FN1: variants seen among roughly 807,000 people sequenced by gnomAD.
FN1 encodes the protein fibronectin 1, also known as fibronectin.
FN1 carries 106 observed loss-of-function variants against 297.3 expected under a neutral mutation model. The observed-to-expected ratio is 0.36, with a 90% CI of 0.30 to 0.42. The LOEUF (loss-of-function observed/expected upper bound fraction) is 0.42. FN1 is among the 10% of genes least tolerant of loss of function. The probability of loss-of-function intolerance (pLI) is 1.00; values close to 1 mark genes in which losing one functional copy is unlikely to be tolerated. For missense variants in FN1, 2,690 were observed against 3,124.9 expected (o/e 0.86, Z 3.32); for synonymous variants, 1,149 against 1,152.6 (o/e 1.00, Z 0.06).
chr2:215,371,824 T>G, intron 40 of FN1, 85 bp downstream of exon 40: 1 of 1,268,578 alleles, frequency 7.9e-7, no homozygotes, highest in Admixed American at 1.7e-5. Flanking sequence ...TGAAGCCACT[T>G]TTTATTCGAG....
chr2:215,422,070 T>G (rs929053330), intron 10 of FN1, 21 bp downstream of exon 10: 12 of 1,613,616 alleles, frequency 7.4e-6, no homozygotes, highest in Non-Finnish European at 9.3e-6. Context: ...CTCAAATATT[T>G]TTGTTAATCA....
At chr2:215,414,639 C>A in intron 13 of FN1, 198 bp downstream of exon 13, 1 of 1,333,850 alleles carries the variant, frequency 7.5e-7, no homozygotes, top group South Asian at 2.3e-5. Context: ...AAACAAAACC[C>A]AAAACCAAAA....
intron 20 of FN1, among the ~76,000 whole-genome samples, chr2:215,401,302 AAGG>A (rs1348538843): frequency 6.9e-6 from 1 of 144,510 alleles, no homozygotes; most frequent in Non-Finnish European, 1.5e-5. Flanking sequence ...GAGAGAGAGA[AAGG>A]AAGGAAGGAA....
chr2:215,365,237 C>T (rs1217066317), intron 43 of FN1, among the ~76,000 whole-genome samples: 2 of 152,142 alleles, frequency 1.3e-5, no homozygotes, highest in African/African-American at 2.4e-5. Flanking sequence ...AATCTACAGA[C>T]CAATAAAGCT....
intron 13 of FN1, chr2:215,414,618 C>A (rs956626959): frequency 8.5e-7 from 1 of 1,173,982 alleles, no homozygotes; most frequent in Non-Finnish European, 1.1e-6. Context: ...ACCAGCCCCC[C>A]CACCGCAAAA....
chr2:215,408,053 C>A, intron 17 of FN1, 55 bp downstream of exon 17: 5 of 1,389,236 alleles, frequency 3.6e-6, no homozygotes, highest in Non-Finnish European at 5.1e-6. Context: ...TGCGCCCTCC[C>A]TGCTGATGTC....
chr2:215,387,063 G>T, intron 27 of FN1, 105 bp from the exon 28 acceptor site: 2 of 1,006,040 alleles, frequency 2.0e-6, no homozygotes, highest in Non-Finnish European at 2.9e-6. Flanking sequence ...CCAACATTTC[G>T]TTCCTGTCTC....
rs575507015 is a variant in FN1 at position 215,372,251 on chromosome 2, A to G, written c.6372T>C (p.Gly2124=). ...VTHPGYDTGN[G]IQLPGTSGQQ... is the part of the protein sequence containing the mutation. ...GACCAGAAGTGCCAGGAAGCTGAATACCATTTCCAGTGTCATACCCAGGGT... is the reference window on the plus strand; with the variant it reads ...GACCAGAAGTGCCAGGAAGCTGAATGCCATTTCCAGTGTCATACCCAGGGT... Residue 2124 remains glycine, a synonymous_variant, in exon 40 of 46, where the codon GGT becomes GGC. Transcript: ENST00000354785. 1 of 1,614,230 alleles carries G rather than the reference A, an allele frequency of 6.2e-7. No homozygotes were observed. The highest frequency in any genetic ancestry group is 2.2e-5 in the East Asian group (1 of 44,884).
intron 6 of FN1, among the ~76,000 whole-genome samples, chr2:215,427,598 A>G (rs2065694706): frequency 6.6e-6 from 1 of 152,216 alleles, no homozygotes; most frequent in Non-Finnish European, 1.5e-5. Context: ...TCGAATGCCA[A>G]TACATGAAGG....
rs1464599904 is a variant in FN1 at position 215,375,380 on chromosome 2, T to C, written c.5991A>G (p.Pro1997=). Residue 1997 remains proline, a synonymous_variant, in exon 38 of 46, where the codon CCA becomes CCG. Transcript: ENST00000354785. ...TGGTGGCCAGGAAACGCAGGTTGGA[T>C]GGTGCATCAATGGCTGAAAGAAAAC... ...VIDASTAIDA[P]SNLRFLATTP... 1.2e-6 allele frequency: 2 copies of C among 1,611,456 alleles called. No homozygotes were observed. The highest frequency in any genetic ancestry group is 1.3e-5 in the African/African-American group (1 of 74,400).
At chr2:215,367,741 CTCT>C (rs1433505981) in intron 42 of FN1, 119 bp downstream of exon 42, 1 of 950,830 alleles carries the variant, frequency 1.1e-6, no homozygotes, top group Non-Finnish European at 1.7e-6. Flanking sequence ...AAACAGTATT[CTCT>C]TGTTTGCTTC....
rs115068533 is a variant in FN1 at position 215,367,297 on chromosome 2, A to G, written c.7018+566T>C. Reference sequence around the variant, plus strand: ...ACGTATTAGAATTTGAAAATCAAACATTTATCAATTCAAGTTGATTTTTAA... The same window carrying G: ...ACGTATTAGAATTTGAAAATCAAACGTTTATCAATTCAAGTTGATTTTTAA... On this transcript the variant is annotated intron_variant, in intron 42 of 45. Transcript: ENST00000354785. 8.4e-3 allele frequency among the ~76,000 whole-genome samples: 1,274 copies of G among 152,336 alleles called. 19 individuals are homozygous for G. Among genetic ancestry groups the G allele is most frequent in the African/African-American group, 0.029 (1,189 of 41,580 alleles).
intron 28 of FN1, among the ~76,000 whole-genome samples, chr2:215,385,752 C>T (rs2058872229): frequency 6.8e-6 from 1 of 148,112 alleles, no homozygotes; most frequent in African/African-American, 2.5e-5. Flanking sequence ...TTTAAAGGTA[C>T]TTTGAAACAG....
chr2:215,422,068 T>C, intron 10 of FN1, 23 bp downstream of exon 10: 1 of 1,613,290 alleles, frequency 6.2e-7, no homozygotes, highest in Non-Finnish European at 8.5e-7. Context: ...ATCTCAAATA[T>C]TTTTGTTAAT....
intron 44 of FN1, 157 bp downstream of exon 44, chr2:215,364,722 T>C: frequency 1.5e-6 from 1 of 678,620 alleles, no homozygotes; most frequent in East Asian, 2.7e-5. Context: ...ATAGAGCTGC[T>C]CTAGAGCTCT....
intron 41 of FN1, among the ~76,000 whole-genome samples, chr2:215,369,023 G>A (rs1000732693): frequency 3.3e-5 from 5 of 152,008 alleles, no homozygotes; most frequent in South Asian, 2.1e-4. Flanking sequence ...AGAAAATAGC[G>A]TTTTGGAGAA....
At chr2:215,421,250 G>A in intron 10 of FN1, 1 of 236,768 alleles carries the variant, frequency 4.2e-6, no homozygotes, top group Non-Finnish European at 8.4e-6. Context: ...AAGGGGAGGA[G>A]ATACTTAGAT....
intron 39 of FN1, among the ~76,000 whole-genome samples, chr2:215,373,105 G>C (rs1307545468): frequency 6.6e-6 from 1 of 151,924 alleles, no homozygotes; most frequent in African/African-American, 2.4e-5. Context: ...GCTTTATATT[G>C]AGTGGCTGTA....
chr2:215,379,476 T>C (rs973812135), intron 33 of FN1, 159 bp from the exon 34 acceptor site: 14 of 632,830 alleles, frequency 2.2e-5, no homozygotes, highest in Middle Eastern at 4.2e-4. Flanking sequence ...CAGTAAGGGA[T>C]GCAAAATGAA....
Sources: gnomAD v4.1 joint callset for allele counts (sites outside exome capture counted in the v4.1 genomes callset) on GRCh38, gnomAD v4.1.1 for gene constraint, MANE v1.5 for transcripts, NCBI Gene and HGNC (gene_info 2026-07-23, HGNC 2026-07-21) for gene names.